The following PCSK9 variants were observed in gnomAD, a reference collection of about 807,000 sequenced individuals.
The protein encoded by PCSK9 is proprotein convertase subtilisin/kexin type 9.
A neutral mutation model predicts 62.1 loss-of-function variants in PCSK9; 57 were observed. That is an observed-to-expected ratio of 0.92 (90% confidence interval 0.74 to 1.14). The LOEUF is 1.14. Among genes scored for constraint, PCSK9 ranks in the 50% most tolerant of loss-of-function variants. The pLI is 0.00. For missense variants in PCSK9, 870 were observed against 959.8 expected (o/e 0.91, Z 1.24); for synonymous variants, 387 against 409.4 (o/e 0.95, Z 0.66).
chr1:55,048,024 G>T (rs1644646411), intron 3 of PCSK9, among the ~76,000 whole-genome samples: 1 of 152,208 alleles, frequency 6.6e-6, no homozygotes, highest in Non-Finnish European at 1.5e-5. Flanking sequence ...TGCCCCCTAA[G>T]TTAGTTTCCT....
At chr1:55,046,833 C>T (rs1644638726) in intron 3 of PCSK9, among the ~76,000 whole-genome samples, 187 bp downstream of exon 3, 1 of 152,122 alleles carries the variant, frequency 6.6e-6, no homozygotes, top group South Asian at 2.1e-4. Context: ...TTCCTGTTGC[C>T]CCACAAATGC....
At chr1:55,056,921 C>T (rs1209611714) in intron 6 of PCSK9, among the ~76,000 whole-genome samples, 1 of 49,934 alleles carries the variant, frequency 2.0e-5, no homozygotes, top group Non-Finnish European at 4.8e-5. Context: ...TACCTGACAG[C>T]GGTAACCTAG....
chr1:55,060,472 C>T (rs1209894505), intron 10 of PCSK9, among the ~76,000 whole-genome samples: 3 of 152,178 alleles, frequency 2.0e-5, no homozygotes, highest in Non-Finnish European at 4.4e-5. Context: ...CTGGGCACAG[C>T]AGGCTGGCAT....
rs28385709 is a variant in PCSK9 at position 55,051,990 on chromosome 1, T to C, written c.524-288T>C. On this transcript the variant is annotated intron_variant, in intron 3 of 11. Transcript: ENST00000302118. ...TGAACATTCATATTATTGTTAGATA[T>C]TGATATTCATATGAAGGAGCAGGAT... The C allele has an allele frequency of 3.6e-3, 1,746 of 487,152 alleles. 17 individuals are homozygous for C. The highest frequency in any genetic ancestry group is 0.017 in the South Asian group (823 of 47,350). The allele number at this position is 487,152 out of a possible 1,614,324, so 30.2% of individuals were successfully genotyped here. A position where few individuals can be genotyped will look rare whatever the true frequency, so the allele number is the denominator to read the frequency against.
intron 2 of PCSK9, among the ~76,000 whole-genome samples, chr1:55,045,565 GGAATA>G (rs1418585733): frequency 1.3e-5 from 2 of 152,160 alleles, no homozygotes; most frequent in Non-Finnish European, 2.9e-5. Context: ...GTAAGGAGAG[GGAATA>G]GCTTTCCCTC....
chr1:55,049,054 T>G (rs552949303), intron 3 of PCSK9, among the ~76,000 whole-genome samples: 1 of 152,364 alleles, frequency 6.6e-6, no homozygotes, highest in South Asian at 2.1e-4. Context: ...CAAATGCTAC[T>G]TGACACAGAT....
At chr1:55,054,384 AAAAT>A (rs1386457401) in intron 5 of PCSK9, among the ~76,000 whole-genome samples, 2 of 152,152 alleles carry the variant, frequency 1.3e-5, no homozygotes, top group African/African-American at 4.8e-5. Flanking sequence ...TTCCATCTCA[AAAAT>A]AAATAAGTAA....
intron 8 of PCSK9, 137 bp from the exon 9 acceptor site, chr1:55,058,362 A>G: frequency 1.3e-6 from 2 of 1,523,786 alleles, no homozygotes; most frequent in Non-Finnish European, 1.8e-6. Context: ...GGGCTGTGCA[A>G]TATTTTCATA....
intron 6 of PCSK9, 148 bp from the exon 7 acceptor site, chr1:55,057,183 C>A (rs1044460771): frequency 6.4e-5 from 64 of 999,082 alleles, no homozygotes; most frequent in South Asian, 1.1e-4. Context: ...TCTGCCTGGG[C>A]AGTCAGATTT....
Position 55,063,411 on chromosome 1 carries a change from A to G in PCSK9, c.1906A>G (p.Ser636Gly). ...GGAGGGCTGGACCCTGACTGGCTGC[A>G]GTGCCCTCCCTGGGACCTCCCACGT... ...CEEGWTLTGC[S>G]ALPGTSHVLG... Residue 636 changes from serine to glycine, a missense_variant, in exon 12 of 12, where the codon AGT becomes GGT. Physicochemically the swap from Ser to Gly is moderately conservative, Grantham distance 56. Transcript: ENST00000302118. 3.7e-6 allele frequency: 6 copies of G among 1,613,868 alleles called. No individual in the cohort carries two copies. The highest frequency in any genetic ancestry group is 5.1e-6 in the Non-Finnish European group (6 of 1,179,936).
intron 1 of PCSK9, among the ~76,000 whole-genome samples, chr1:55,042,618 T>C (rs1355782198): frequency 1.3e-5 from 2 of 152,110 alleles, no homozygotes; most frequent in East Asian, 1.9e-4. Context: ...GCAAGGTAGG[T>C]TGAGGTAGGG....
At position 55,054,131 on chromosome 1, in the gene PCSK9, C is replaced by A. The variant is rs192523503; in HGVS notation, c.799+1340C>A. ...GGGCGCGGTGGCTCATGCCTGTAATCCCAGCACTTTGGGAGGCCGAGGTGG... is the reference window on the plus strand; with the variant it reads ...GGGCGCGGTGGCTCATGCCTGTAATACCAGCACTTTGGGAGGCCGAGGTGG... On this transcript the variant is annotated intron_variant, in intron 5 of 11. Transcript: ENST00000302118. 1.2e-4 allele frequency among the ~76,000 whole-genome samples: 19 copies of A among 152,302 alleles called. No individual in the cohort carries two copies. The East Asian group carries it at 3.7e-3, about 29-fold the overall frequency.
intron 6 of PCSK9, among the ~76,000 whole-genome samples, chr1:55,056,870 C>T (rs191259798): frequency 1.3e-3 from 194 of 151,988 alleles, no homozygotes; most frequent in Middle Eastern, 3.4e-3. Context: ...TGTGTGCGTG[C>T]GCGCGCGCGC....
chr1:55,059,693 G>A (rs766770810), intron 10 of PCSK9, 30 bp downstream of exon 10: 37 of 1,546,574 alleles, frequency 2.4e-5, no homozygotes, highest in Middle Eastern at 2.2e-4. Context: ...CTGGGGTGAG[G>A]AGGGGTCTCT....
intron 5 of PCSK9, among the ~76,000 whole-genome samples, chr1:55,053,490 C>G (rs1644691138): frequency 6.6e-6 from 1 of 152,196 alleles, no homozygotes; most frequent in African/African-American, 2.4e-5. Flanking sequence ...GGGGAGGTGA[C>G]TGCCAGGGTC....
At chr1:55,054,392 TAAGTA>T (rs1175418310) in intron 5 of PCSK9, among the ~76,000 whole-genome samples, 1 of 151,908 alleles carries the variant, frequency 6.6e-6, no homozygotes, top group Non-Finnish European at 1.5e-5. Flanking sequence ...CAAAAATAAA[TAAGTA>T]AATAACTAGC....
intron 11 of PCSK9, 122 bp downstream of exon 11, chr1:55,061,678 T>A: frequency 7.8e-7 from 1 of 1,276,240 alleles, no homozygotes. Context: ...GCCAGGTAGA[T>A]GCTGTGGGCA....
Position 55,059,497 on chromosome 1 carries a change from C to A in PCSK9, c.1515C>A (p.Gly505=), listed in dbSNP as rs1042826452. Residue 505 remains glycine, a synonymous_variant, in exon 10 of 12, where the codon GGC becomes GGA. Coordinates refer to ENST00000302118, the MANE Select transcript of PCSK9 (RefSeq NM_174936.4). ...TCTTTGACTCTAAGGCCCAAGGGGG[C>A]AAGCTGGTCTGCCGGGCCCACAACG... The part of the protein sequence containing the change: ...RRGERMEAQG[G]KLVCRAHNAF... The A allele has an allele frequency of 3.8e-6, 6 of 1,564,610 alleles. No homozygotes were observed. Among genetic ancestry groups the A allele is most frequent in the Middle Eastern group, 3.3e-4 (2 of 6,002 alleles).
In PCSK9 at chr1:55,046,624, G is replaced by A. The variant is rs748481228; in HGVS notation, c.501G>A (p.Arg167=). ...NLERITPPRY[R]ADEYQPPDGG... is the part of the protein sequence containing the mutation. ...AGCGGATTACCCCTCCACGGTACCG[G>A]GCGGATGAATACCAGCCCCCCGGTA... The change falls in exon 3 of 12, where the codon CGG becomes CGA. Residue 167 remains arginine, a synonymous_variant. Coordinates refer to ENST00000302118, the MANE Select transcript of PCSK9 (RefSeq NM_174936.4). The A allele has an allele frequency of 1.9e-6, 3 of 1,613,882 alleles. No homozygotes were observed. In the South Asian group the frequency reaches 3.3e-5, roughly 18 times the overall value.
Sources: allele counts gnomAD v4.1 joint callset (sites outside exome capture counted in the v4.1 genomes callset), GRCh38; gene constraint gnomAD v4.1.1; transcripts MANE v1.5; gene names NCBI Gene and HGNC (gene_info 2026-07-23, HGNC 2026-07-21).